The following TMEM260 variants were observed in gnomAD, a reference collection of about 807,000 sequenced individuals.
TMEM260 encodes protein O-mannosyl-transferase TMEM260.
In TMEM260, 82 loss-of-function variants were observed where a neutral mutation model predicts 88.9. The ratio of observed to expected loss-of-function variants is 0.92; its 90% CI spans 0.77 to 1.11. TMEM260 has a LOEUF of 1.11. TMEM260 is among the 50% of genes least tolerant of loss of function. The pLI, the probability that TMEM260 is intolerant of heterozygous loss-of-function variation, is 0.00. For synonymous variants in TMEM260, 314 were observed against 309.3 expected (o/e 1.02, Z -0.16); for missense variants, 902 against 853.4 (o/e 1.06, Z -0.71).
intron 7 of TMEM260, 76 bp from the exon 8 acceptor site, chr14:56,615,868 A>G: frequency 9.8e-7 from 1 of 1,019,922 alleles, no homozygotes. Context: ...AATCAATGGT[A>G]TCTTACAAGG....
downstream of TMEM260, among the ~76,000 whole-genome samples, chr14:56,654,160 G>T (rs751183317): frequency 6.6e-6 from 1 of 151,996 alleles, no homozygotes. Context: ...CCTTTTAGAC[G>T]TGGATAGTTA....
At chr14:56,600,912 A>G (rs1439237546) in intron 3 of TMEM260, among the ~76,000 whole-genome samples, 1 of 152,196 alleles carries the variant, frequency 6.6e-6, no homozygotes, top group Non-Finnish European at 1.5e-5. Flanking sequence ...TATTTTACTC[A>G]GTGGTTTCAC....
At chr14:56,622,371 A>AT (rs1386934362) in intron 11 of TMEM260, among the ~76,000 whole-genome samples, 5 of 144,536 alleles carry the variant, frequency 3.5e-5, no homozygotes, top group Non-Finnish European at 6.1e-5. Context: ...AAAAATTGTT[A>AT]TTTTATATTC....
At chr14:56,654,729 G>T (rs952597370), downstream of TMEM260, among the ~76,000 whole-genome samples, 1 of 143,016 alleles carries the variant, frequency 7.0e-6, no homozygotes, top group African/African-American at 2.6e-5. Context: ...CAGGAGAATC[G>T]CTTGAACCCG....
At chr14:56,595,235 G>A (rs1383630210) in intron 3 of TMEM260, among the ~76,000 whole-genome samples, 3 of 152,002 alleles carry the variant, frequency 2.0e-5, no homozygotes, top group East Asian at 1.9e-4. Flanking sequence ...TTGTAGCATC[G>A]CAACCTCATT....
At chr14:56,655,413 C>T (rs533733669), downstream of TMEM260, among the ~76,000 whole-genome samples, 2 of 151,884 alleles carry the variant, frequency 1.3e-5, no homozygotes, top group Admixed American at 1.3e-4. Flanking sequence ...AGTAATTTGG[C>T]CCTTCATCTT....
chr14:56,642,778 A>G (rs1889693138), intron 15 of TMEM260, among the ~76,000 whole-genome samples: 1 of 152,248 alleles, frequency 6.6e-6, no homozygotes, highest in Non-Finnish European at 1.5e-5. Context: ...CTAATAAAGA[A>G]GAAAAGACAG....
the TMEM260 span, among the ~76,000 whole-genome samples, chr14:56,661,534 A>AGGAG: frequency 0.029 from 3,150 of 107,812 alleles, 61 homozygotes; most frequent in South Asian, 0.045. Context: ...GAAGGAGGAA[A>AGGAG]GGAGGGAGGG....
chr14:56,646,233 A>T (rs1357482732), intron 15 of TMEM260, among the ~76,000 whole-genome samples: 1 of 152,244 alleles, frequency 6.6e-6, no homozygotes, highest in Admixed American at 6.5e-5. Flanking sequence ...CTATTTAAAA[A>T]TAGGTATGCA....
intron 3 of TMEM260, among the ~76,000 whole-genome samples, chr14:56,591,042 A>T (rs1885822699): frequency 6.6e-6 from 1 of 152,242 alleles, no homozygotes; most frequent in Non-Finnish European, 1.5e-5. Context: ...TTGCACAGCT[A>T]CTGTGCTGCA....
At position 56,629,503 on chromosome 14, in the gene TMEM260, A is replaced by G. The variant is rs1234419603; in HGVS notation, c.1548-3492A>G. 3.3e-5 allele frequency among the ~76,000 whole-genome samples: 5 copies of G among 151,820 alleles called. No homozygotes were observed. In the East Asian group the frequency reaches 9.8e-4, roughly 30 times the overall value. ...GAGAAAAAAATATTCTACAATATTT[A>G]TCAGATACTTACCAGATCTGTTGTT... On this transcript the variant is annotated intron_variant, in intron 12 of 15. Transcript: ENST00000261556.
chr14:56,648,949 A>AG lies in TMEM260; in HGVS notation c.*1457dup, dbSNP rs1040389688. On this transcript the variant is annotated 3_prime_UTR_variant, in exon 16 of 16. Transcript: ENST00000261556. The stretch of plus-strand genomic sequence containing the variant: ...TCAGCTGCCAGTAAATAAATCTCAA[A>AG]GGGGGAAAAGCTGAAGTTTCATTAC... 6.6e-6 allele frequency: 1 copy of AG among 152,588 alleles called. No homozygotes were observed. The highest frequency in any genetic ancestry group is 1.5e-5 in the Non-Finnish European group (1 of 68,064). 9.5% of individuals were successfully genotyped at this position (152,588 alleles called of 1,614,324 possible). A position where few individuals can be genotyped will look rare whatever the true frequency, so the allele number is the denominator to read the frequency against.
At chr14:56,598,202 G>A (rs541191054) in intron 3 of TMEM260, among the ~76,000 whole-genome samples, 2 of 152,184 alleles carry the variant, frequency 1.3e-5, no homozygotes, top group Admixed American at 1.3e-4. Flanking sequence ...GAAATAACCA[G>A]CTTTAAAGAA....
At chr14:56,637,278 G>A (rs969745867) in intron 15 of TMEM260, among the ~76,000 whole-genome samples, 1 of 152,218 alleles carries the variant, frequency 6.6e-6, no homozygotes, top group Non-Finnish European at 1.5e-5. Context: ...CCTCTGCAAA[G>A]GTCATGACCC....
intron 3 of TMEM260, among the ~76,000 whole-genome samples, chr14:56,594,605 T>C (rs1436882176): frequency 2.6e-5 from 4 of 152,214 alleles, no homozygotes; most frequent in Admixed American, 2.0e-4. Context: ...ATGACAATGG[T>C]TTGTCTGTCT....
intron 5 of TMEM260, among the ~76,000 whole-genome samples, chr14:56,607,815 G>A (rs1369829289): frequency 2.6e-5 from 4 of 152,032 alleles, no homozygotes; most frequent in Non-Finnish European, 5.9e-5. Flanking sequence ...TTTTTAAGAA[G>A]CTCCCCAGGT....
At position 56,647,647 on chromosome 14, in the gene TMEM260, T is replaced by C. The variant is rs1038399061; in HGVS notation, c.*150T>C. The C allele has an allele frequency of 8.2e-6, 7 of 852,560 alleles. No homozygotes were observed. In the African/African-American group the frequency reaches 1.2e-4, roughly 15 times the overall value. The allele number at this position is 852,560 out of a possible 1,614,324, so 52.8% of individuals were successfully genotyped here. A position where few individuals can be genotyped will look rare whatever the true frequency, so the allele number is the denominator to read the frequency against. On this transcript the variant is annotated 3_prime_UTR_variant, in exon 16 of 16. Coordinates refer to ENST00000261556, the MANE Select transcript of TMEM260 (RefSeq NM_017799.4). ...ATCATGGTCCAGCAGTACTGTTTAA[T>C]GGGGTATTCAGTGACTAAGGTCTGC... is the stretch of plus-strand genomic sequence containing the variant.
At chr14:56,641,371 C>T (rs771322923) in intron 15 of TMEM260, among the ~76,000 whole-genome samples, 2 of 152,096 alleles carry the variant, frequency 1.3e-5, no homozygotes, top group Non-Finnish European at 2.9e-5. Flanking sequence ...CAGTATTCTT[C>T]AAGAAAAGAA....
At chr14:56,634,119 T>G (rs1888840919) in intron 13 of TMEM260, among the ~76,000 whole-genome samples, 1 of 152,204 alleles carries the variant, frequency 6.6e-6, no homozygotes, top group Non-Finnish European at 1.5e-5. Context: ...AGAAAATTTT[T>G]AAGAGAAAGA....
Sources: gnomAD v4.1 joint callset for allele counts (sites outside exome capture counted in the v4.1 genomes callset) on GRCh38, gnomAD v4.1.1 for gene constraint, MANE v1.5 for transcripts, NCBI Gene and HGNC (gene_info 2026-07-23, HGNC 2026-07-21) for gene names.